Variants in NELL1 observed in about 807,000 individuals in gnomAD.
The protein encoded by NELL1 is protein kinase C-binding protein NELL1.
A neutral mutation model predicts 107.4 loss-of-function variants in NELL1; 76 were observed. That is an observed-to-expected ratio of 0.71 (90% CI 0.59 to 0.86). The LOEUF (loss-of-function observed/expected upper bound fraction) is 0.86. Among genes scored for constraint, NELL1 ranks in the 40% least tolerant of loss-of-function variants. The probability of loss-of-function intolerance (pLI) is 0.00; values close to 1 mark genes in which losing one functional copy is unlikely to be tolerated. For synonymous variants in NELL1, 353 were observed against 341.2 expected (o/e 1.03, Z -0.38); for missense variants, 1,024 against 1,005.5 (o/e 1.02, Z -0.25).
intron 13 of NELL1, among the ~76,000 whole-genome samples, chr11:21,119,846 A>G (rs896967067): frequency 5.9e-5 from 9 of 152,184 alleles, no homozygotes; most frequent in Admixed American, 5.9e-4. Flanking sequence ...TTTATCCCCA[A>G]CTAAACTCCC....
intron 15 of NELL1, among the ~76,000 whole-genome samples, chr11:21,515,087 G>A (rs1037782773): frequency 6.6e-6 from 1 of 152,192 alleles, no homozygotes; most frequent in Non-Finnish European, 1.5e-5. Context: ...TGGCACTTTT[G>A]TGTTGACACA....
At chr11:20,953,274 G>T (rs1851104169) in intron 11 of NELL1, among the ~76,000 whole-genome samples, 1 of 152,196 alleles carries the variant, frequency 6.6e-6, no homozygotes, top group African/African-American at 2.4e-5. Flanking sequence ...TAATTTCAAA[G>T]GTAACCTGCC....
intron 13 of NELL1, among the ~76,000 whole-genome samples, chr11:21,146,503 G>A (rs942380394): frequency 3.3e-4 from 50 of 152,150 alleles, no homozygotes; most frequent in African/African-American, 1.1e-3. Flanking sequence ...AGCTGTGGTC[G>A]TAAGAGTGAC....
At chr11:20,821,234 G>A (rs557058785) in intron 3 of NELL1, among the ~76,000 whole-genome samples, 3 of 152,196 alleles carry the variant, frequency 2.0e-5, no homozygotes, top group African/African-American at 7.2e-5. Flanking sequence ...ACAAAGGCAC[G>A]ATGCATTACT....
At chr11:21,548,200 C>G (rs980620199) in intron 16 of NELL1, among the ~76,000 whole-genome samples, 1 of 151,874 alleles carries the variant, frequency 6.6e-6, no homozygotes, top group Non-Finnish European at 1.5e-5. Context: ...GGCAAAGAGT[C>G]TATCTACTCC....
intron 13 of NELL1, among the ~76,000 whole-genome samples, chr11:21,185,470 T>C (rs887712604): frequency 2.0e-5 from 3 of 151,576 alleles, no homozygotes; most frequent in Non-Finnish European, 4.4e-5. Context: ...AATTTTTGTA[T>C]ATTTAGTAGA....
At chr11:20,834,046 T>A (rs946957476) in intron 3 of NELL1, among the ~76,000 whole-genome samples, 2 of 152,192 alleles carry the variant, frequency 1.3e-5, no homozygotes, top group Non-Finnish European at 2.9e-5. Context: ...GATAATATGA[T>A]TGGATTCTTG....
intron 13 of NELL1, among the ~76,000 whole-genome samples, chr11:21,217,926 G>A (rs1857658196): frequency 6.6e-6 from 1 of 152,136 alleles, no homozygotes; most frequent in Non-Finnish European, 1.5e-5. Context: ...GGATTTATTA[G>A]AGCCTTCCTG....
intron 15 of NELL1, among the ~76,000 whole-genome samples, chr11:21,433,771 GT>G (rs1853031582): frequency 6.6e-6 from 1 of 152,072 alleles, no homozygotes; most frequent in Admixed American, 6.6e-5. Context: ...CACCTCCTAG[GT>G]TCAAGTGATT....
intron 13 of NELL1, among the ~76,000 whole-genome samples, chr11:21,132,565 G>A (rs940132064): frequency 4.6e-5 from 7 of 152,170 alleles, no homozygotes; most frequent in Non-Finnish European, 1.0e-4. Context: ...TGCTAGCTCC[G>A]TGTGAGGCTG....
chr11:21,346,417 T>A (rs1474190345), intron 14 of NELL1, among the ~76,000 whole-genome samples: 1 of 151,710 alleles, frequency 6.6e-6, no homozygotes, highest in Non-Finnish European at 1.5e-5. Context: ...TGCAGCCAAC[T>A]GTACCCAAGC....
intron 13 of NELL1, among the ~76,000 whole-genome samples, chr11:21,145,116 G>C (rs1855949249): frequency 1.3e-5 from 2 of 152,178 alleles, no homozygotes; most frequent in Admixed American, 1.3e-4. Flanking sequence ...ATAGCTATAT[G>C]TGTTGTTTAT....
intron 14 of NELL1, among the ~76,000 whole-genome samples, chr11:21,333,037 T>C (rs180868205): frequency 1.9e-4 from 29 of 152,186 alleles, no homozygotes; most frequent in Admixed American, 4.6e-4. Flanking sequence ...AATGTCATTT[T>C]TCATTATTTT....
chr11:21,129,028 C>T (rs1409850095), intron 13 of NELL1, among the ~76,000 whole-genome samples: 1 of 152,134 alleles, frequency 6.6e-6, no homozygotes, highest in Non-Finnish European at 1.5e-5. Context: ...TCAACCTCTA[C>T]TTGGACAAGA....
intron 2 of NELL1, among the ~76,000 whole-genome samples, chr11:20,700,988 T>C (rs190162815): frequency 1.8e-3 from 275 of 152,326 alleles, no homozygotes; most frequent in African/African-American, 6.4e-3. Context: ...TGTGTCTTTA[T>C]AGCAGCATGA....
At chr11:20,903,071 ATAT>A (rs1849913313) in intron 5 of NELL1, among the ~76,000 whole-genome samples, 1 of 152,068 alleles carries the variant, frequency 6.6e-6, no homozygotes, top group Non-Finnish European at 1.5e-5. Flanking sequence ...AGTGTTTGCT[ATAT>A]GTTGTTTTGT....
At chr11:20,945,410 C>A (rs954213107) in intron 10 of NELL1, among the ~76,000 whole-genome samples, 1 of 152,202 alleles carries the variant, frequency 6.6e-6, no homozygotes, top group Non-Finnish European at 1.5e-5. Context: ...CATGTAACTT[C>A]CGGCTCTCTG....
At chr11:20,902,258 G>T (rs1285904500) in intron 5 of NELL1, among the ~76,000 whole-genome samples, 1 of 151,038 alleles carries the variant, frequency 6.6e-6, no homozygotes, top group Non-Finnish European at 1.5e-5. Context: ...AAGAAATGCT[G>T]CAAATCAATA....
intron 15 of NELL1, among the ~76,000 whole-genome samples, chr11:21,388,132 G>T (rs1305519606): frequency 6.6e-6 from 1 of 151,184 alleles, no homozygotes; most frequent in Non-Finnish European, 1.5e-5. Flanking sequence ...TTCTACAGAG[G>T]TGTTCATTTT....
Sources: allele counts gnomAD v4.1 joint callset (sites outside exome capture counted in the v4.1 genomes callset), GRCh38; gene constraint gnomAD v4.1.1; transcripts MANE v1.5; gene names NCBI Gene and HGNC (gene_info 2026-07-23, HGNC 2026-07-21).